SPATA9: variants seen among roughly 807,000 people sequenced by gnomAD.
SPATA9 encodes spermatogenesis associated 9.
Under a neutral mutation model 25.5 loss-of-function variants are expected in SPATA9, and 27 were observed. The ratio of observed to expected loss-of-function variants is 1.06; its 90% CI spans 0.78 to 1.46. The LOEUF (loss-of-function observed/expected upper bound fraction) is 1.46, where lower values mean the gene tolerates loss of function less well. Among genes scored for constraint, SPATA9 ranks in the 40% most tolerant of loss-of-function variants. SPATA9 has a pLI of 0.00. For synonymous variants in SPATA9, 102 were observed against 105.7 expected, an observed-to-expected ratio of 0.97 and a Z score of 0.21; for missense variants, 282 against 297.5, an observed-to-expected ratio of 0.95 and a Z score of 0.38.
the SPATA9 span, among the ~76,000 whole-genome samples, chr5:95,705,586 A>G: frequency 6.6e-6 from 1 of 152,206 alleles, no homozygotes; most frequent in African/African-American, 2.4e-5. Flanking sequence ...ATGTGTATGA[A>G]GTACACTCCT....
At chr5:95,731,821 G>A in the SPATA9 span, 10 of 1,602,420 alleles carry the variant, frequency 6.2e-6, no homozygotes, top group African/African-American at 6.7e-5. Context: ...CGCGCTGACC[G>A]TGCTTCCCTT....
the SPATA9 span, among the ~76,000 whole-genome samples, chr5:95,716,661 AT>A: frequency 6.6e-6 from 1 of 152,182 alleles, no homozygotes; most frequent in African/African-American, 2.4e-5. Context: ...TTGGGAAGGC[AT>A]GATTGGCGTT....
chr5:95,656,786 T>C (rs1489599884), downstream of SPATA9: 2 of 152,754 alleles, frequency 1.3e-5, no homozygotes, highest in African/African-American at 2.4e-5. Context: ...ATTCTTCCAT[T>C]CTTGTTTTAT....
At chr5:95,727,013 G>C in the SPATA9 span, among the ~76,000 whole-genome samples, 170 of 151,556 alleles carry the variant, frequency 1.1e-3, no homozygotes, top group African/African-American at 4.1e-3. Context: ...AGTTTATTCT[G>C]GAATTTCAGG....
At chr5:95,671,709 G>A (rs967209327) in intron 3 of SPATA9, among the ~76,000 whole-genome samples, 2 of 151,944 alleles carry the variant, frequency 1.3e-5, no homozygotes, top group African/African-American at 2.4e-5. Context: ...ACGCCTGGCC[G>A]CTATTTGTTG....
At chr5:95,699,500 CA>C (rs1232115609), upstream of SPATA9, among the ~76,000 whole-genome samples, 1 of 151,972 alleles carries the variant, frequency 6.6e-6, no homozygotes, top group Admixed American at 6.6e-5. Context: ...AGACTAAGAA[CA>C]GGGAGAAAAA....
downstream of SPATA9, chr5:95,652,237 GCCTCTCTACAA>G: frequency 1.3e-6 from 2 of 1,541,998 alleles, no homozygotes; most frequent in Non-Finnish European, 1.8e-6. Context: ...TACTGATCTT[GCCTCTCTACAA>G]CCTCTCTTCC....
At chr5:95,680,735 A>G (rs1753378455) in intron 2 of SPATA9, among the ~76,000 whole-genome samples, 1 of 152,164 alleles carries the variant, frequency 6.6e-6, no homozygotes, top group Non-Finnish European at 1.5e-5. Flanking sequence ...CCAAATATAC[A>G]TCTTCAGCCG....
upstream of SPATA9, among the ~76,000 whole-genome samples, chr5:95,703,634 C>CA (rs955024945): frequency 4.9e-5 from 7 of 142,980 alleles, no homozygotes; most frequent in South Asian, 4.4e-4. Context: ...GAGCCCATCT[C>CA]AAAAAAAAGT....
chr5:95,666,363 A>G (rs116318394), intron 3 of SPATA9, among the ~76,000 whole-genome samples: 1,668 of 152,296 alleles, frequency 0.011, 32 homozygotes, highest in African/African-American at 0.038. Flanking sequence ...TTCTAGCCCC[A>G]GAGTTCTTGA....
At chr5:95,714,611 A>G in the SPATA9 span, among the ~76,000 whole-genome samples, 1 of 152,108 alleles carries the variant, frequency 6.6e-6, no homozygotes, top group Non-Finnish European at 1.5e-5. Context: ...ATTTGTTTGT[A>G]GTGAGTTGAG....
downstream of SPATA9, chr5:95,655,937 AG>A: frequency 1.0e-6 from 1 of 998,438 alleles, no homozygotes; most frequent in East Asian, 2.5e-5. Context: ...GAGGAAAAAA[AG>A]AAAAGCTAAC....
chr5:95,695,688 A>G (rs184598604), intron 1 of SPATA9, among the ~76,000 whole-genome samples: 1 of 152,344 alleles, frequency 6.6e-6, no homozygotes, highest in African/African-American at 2.4e-5. Context: ...ATATCTATTT[A>G]TAATTATCTT....
At chr5:95,725,851 C>T in the SPATA9 span, among the ~76,000 whole-genome samples, 40 of 150,874 alleles carry the variant, frequency 2.7e-4, no homozygotes, top group African/African-American at 9.3e-4. Flanking sequence ...ACTAATCCAT[C>T]AGTGGTTACA....
chr5:95,723,777 T>C, the SPATA9 span, among the ~76,000 whole-genome samples: 1 of 152,196 alleles, frequency 6.6e-6, no homozygotes, highest in Non-Finnish European at 1.5e-5. Context: ...TGCTGTGTTC[T>C]GCATCCTGGC....
At chr5:95,696,787 T>C (rs1016417323) in intron 1 of SPATA9, among the ~76,000 whole-genome samples, 32 of 152,238 alleles carry the variant, frequency 2.1e-4, no homozygotes, top group African/African-American at 6.7e-4. Context: ...AGTCCAAAGT[T>C]GCAGTGAACT....
At chr5:95,727,028 A>T in the SPATA9 span, among the ~76,000 whole-genome samples, 3 of 151,990 alleles carry the variant, frequency 2.0e-5, no homozygotes, top group East Asian at 1.9e-4. Context: ...TTCAGGGATC[A>T]TCTTCTGTAC....
At chr5:95,689,182 G>A (rs572980896) in intron 1 of SPATA9, among the ~76,000 whole-genome samples, 6 of 152,148 alleles carry the variant, frequency 3.9e-5, no homozygotes, top group Admixed American at 1.3e-4. Context: ...CCAGAAAACA[G>A]ACACAATAAG....
intron 3 of SPATA9, among the ~76,000 whole-genome samples, chr5:95,666,597 C>T (rs113692734): frequency 2.7e-3 from 407 of 152,146 alleles, no homozygotes; most frequent in African/African-American, 9.5e-3. Context: ...AGAGAAAGAT[C>T]AAGGTTCAAA....
Sources: allele counts gnomAD v4.1 joint callset (sites outside exome capture counted in the v4.1 genomes callset), GRCh38; gene constraint gnomAD v4.1.1; transcripts MANE v1.5; gene names NCBI Gene and HGNC (gene_info 2026-07-23, HGNC 2026-07-21).